Variants in PHLPP1 observed in about 807,000 individuals in gnomAD.
PHLPP1 encodes PH domain leucine-rich repeat-containing protein phosphatase 1.
Under a neutral mutation model 117.2 loss-of-function variants are expected in PHLPP1, and 42 were observed. That is an observed-to-expected ratio of 0.36 (90% CI 0.28 to 0.46). PHLPP1 has a LOEUF of 0.46. Ranked by LOEUF, PHLPP1 falls within the 20% of genes least tolerant of loss-of-function variation. The pLI is 1.00. For missense variants in PHLPP1, 2,084 were observed against 2,241.9 expected (o/e 0.93, Z 1.42); for synonymous variants, 1,042 against 970.7 (o/e 1.07, Z -1.37).
intron 1 of PHLPP1, among the ~76,000 whole-genome samples, chr18:62,763,649 T>C (rs754233098): frequency 1.6e-4 from 24 of 152,210 alleles, no homozygotes; most frequent in Admixed American, 3.3e-4. Flanking sequence ...GTTTTCTCAC[T>C]GTCAGAGTCA....
intron 3 of PHLPP1, among the ~76,000 whole-genome samples, chr18:62,847,111 G>T (rs147697096): frequency 2.5e-3 from 375 of 152,284 alleles, no homozygotes; most frequent in Non-Finnish European, 2.9e-3. Context: ...AACAAAAGAA[G>T]CGTGTTTTTG....
chr18:62,893,617 G>GA (rs1262306678), intron 4 of PHLPP1, among the ~76,000 whole-genome samples: 1 of 152,144 alleles, frequency 6.6e-6, no homozygotes, highest in Non-Finnish European at 1.5e-5. Context: ...TGATTGGGTT[G>GA]AATTGTGTTT....
intron 13 of PHLPP1, 117 bp from the exon 14 acceptor site, chr18:62,963,251 A>T (rs1910815863): frequency 3.1e-6 from 2 of 636,794 alleles, no homozygotes; most frequent in South Asian, 4.0e-5. Context: ...TAAACGCAGT[A>T]AGAAATGGTA....
chr18:62,882,210 A>T (rs929017483), intron 4 of PHLPP1, among the ~76,000 whole-genome samples: 2 of 152,074 alleles, frequency 1.3e-5, no homozygotes, highest in African/African-American at 4.8e-5. Context: ...GAATTTGAGG[A>T]GTTCATGGAA....
chr18:62,715,628 C>A lies in PHLPP1; in HGVS notation c.-56C>A, dbSNP rs1910691487. ...CCGTCTCCCACCTCCGCCTCATCGCCTCCCTCTCCGCCCGCTGCCTCCGGA... is the reference window on the plus strand; with the variant it reads ...CCGTCTCCCACCTCCGCCTCATCGCATCCCTCTCCGCCCGCTGCCTCCGGA... On this transcript the variant is annotated 5_prime_UTR_variant, in exon 1 of 17. Coordinates refer to ENST00000262719, the MANE Select transcript of PHLPP1 (RefSeq NM_194449.4). The A allele has an allele frequency of 8.4e-7, 1 of 1,183,918 alleles. No individual in the cohort carries two copies. The highest frequency in any genetic ancestry group is 1.1e-6 in the Non-Finnish European group (1 of 937,344). The allele number at this position is 1,183,918 out of a possible 1,614,324, so 73.3% of individuals were successfully genotyped here. A position where few individuals can be genotyped will look rare whatever the true frequency, so the allele number is the denominator to read the frequency against.
chr18:62,886,110 C>T (rs905932363), intron 4 of PHLPP1, among the ~76,000 whole-genome samples: 6 of 152,086 alleles, frequency 3.9e-5, no homozygotes, highest in African/African-American at 4.8e-5. Flanking sequence ...TCATTATTAC[C>T]GTACTTTCAT....
At chr18:62,778,078 G>T (rs1913014622) in intron 1 of PHLPP1, among the ~76,000 whole-genome samples, 1 of 152,090 alleles carries the variant, frequency 6.6e-6, no homozygotes, top group Non-Finnish European at 1.5e-5. Context: ...TCTATGTAAA[G>T]AATTAATCAA....
At chr18:62,890,280 G>A (rs1269720273) in intron 4 of PHLPP1, among the ~76,000 whole-genome samples, 2 of 151,006 alleles carry the variant, frequency 1.3e-5, no homozygotes, top group Admixed American at 1.3e-4. Context: ...TATTTATTTT[G>A]TTTTGAGATG....
chr18:62,806,654 C>G (rs531555042), intron 1 of PHLPP1, among the ~76,000 whole-genome samples: 1 of 152,118 alleles, frequency 6.6e-6, no homozygotes, highest in Non-Finnish European at 1.5e-5. Flanking sequence ...TGTGTACACT[C>G]CTTTCTGTAA....
chr18:62,825,367 A>T (rs1031758099), intron 1 of PHLPP1: 1 of 148,240 alleles, frequency 6.7e-6, no homozygotes, highest in Non-Finnish European at 1.5e-5. Flanking sequence ...TATATATATA[A>T]ATATATCAAC....
At chr18:62,816,952 T>C (rs917404630) in intron 1 of PHLPP1, among the ~76,000 whole-genome samples, 1 of 152,156 alleles carries the variant, frequency 6.6e-6, no homozygotes, top group Admixed American at 6.5e-5. Flanking sequence ...TTAAGTATTT[T>C]AATAGTAGAG....
chr18:62,742,703 G>C (rs1429271850), intron 1 of PHLPP1, among the ~76,000 whole-genome samples: 1 of 152,102 alleles, frequency 6.6e-6, no homozygotes, highest in Non-Finnish European at 1.5e-5. Flanking sequence ...CAAAGTGTTG[G>C]GATTACAGGT....
chr18:62,862,775 CAG>C (rs764528132), intron 4 of PHLPP1, among the ~76,000 whole-genome samples: 5 of 152,138 alleles, frequency 3.3e-5, no homozygotes, highest in Admixed American at 6.5e-5. Context: ...GACATATACT[CAG>C]GGGTTGAGAT....
intron 10 of PHLPP1, among the ~76,000 whole-genome samples, chr18:62,931,877 A>AG (rs1909821100): frequency 9.4e-6 from 1 of 106,444 alleles, no homozygotes; most frequent in East Asian, 2.6e-4. Flanking sequence ...CCTGGGCGAC[A>AG]GAAAAAAAAA....
chr18:62,874,933 C>T (rs1282262732), intron 4 of PHLPP1, among the ~76,000 whole-genome samples: 1 of 152,100 alleles, frequency 6.6e-6, no homozygotes, highest in Non-Finnish European at 1.5e-5. Flanking sequence ...TGCTATGTAT[C>T]TGTAGAATTA....
chr18:62,898,915 C>T (rs1916643715), intron 6 of PHLPP1, among the ~76,000 whole-genome samples: 1 of 151,978 alleles, frequency 6.6e-6, no homozygotes. Context: ...TTTCCTGCCT[C>T]AGCCTCCCAA....
Position 62,979,200 on chromosome 18 carries a change from A to G in PHLPP1, c.4923A>G (p.Thr1641=). Residue 1641 remains threonine (T), a synonymous_variant, in exon 17 of 17, where the codon ACA becomes ACG. Coordinates refer to ENST00000262719, the MANE Select transcript of PHLPP1 (RefSeq NM_194449.4). ...ERSHNVIEVA[T]DAPLRKPGGY... ...GCCACAATGTGATAGAGGTGGCTAC[A>G]GACGCACCTCTTCGAAAGCCTGGAG... 1.2e-6 allele frequency: 2 copies of G among 1,612,976 alleles called. No individual in the cohort carries two copies. Among genetic ancestry groups the G allele is most frequent in the Non-Finnish European group, 8.5e-7 (1 of 1,179,398 alleles).
At chr18:62,960,137 T>G (rs1029871262) in intron 13 of PHLPP1, among the ~76,000 whole-genome samples, 20 of 152,204 alleles carry the variant, frequency 1.3e-4, no homozygotes, top group Non-Finnish European at 4.4e-5. Context: ...CAAATAAAAT[T>G]TAAAAATAAT....
intron 10 of PHLPP1, among the ~76,000 whole-genome samples, chr18:62,930,702 G>A (rs996559375): frequency 3.9e-5 from 6 of 152,160 alleles, no homozygotes; most frequent in African/African-American, 9.7e-5. Flanking sequence ...CCTAATAGAT[G>A]TCTAGAATAC....
Sources: gnomAD v4.1 joint callset for allele counts (sites outside exome capture counted in the v4.1 genomes callset) on GRCh38, gnomAD v4.1.1 for gene constraint, MANE v1.5 for transcripts, NCBI Gene and HGNC (gene_info 2026-07-23, HGNC 2026-07-21) for gene names.